Variants in MYH10 observed in about 807,000 individuals in gnomAD.
MYH10 encodes the protein myosin heavy chain 10.
In MYH10, 55 loss-of-function variants were observed where a neutral mutation model predicts 257.8. The observed-to-expected ratio is 0.21, with a 90% CI of 0.17 to 0.27. The LOEUF (loss-of-function observed/expected upper bound fraction) is 0.27, where lower values mean the gene tolerates loss of function less well. Ranked by LOEUF, MYH10 falls within the 10% of genes least tolerant of loss-of-function variation. MYH10 has a pLI of 1.00. For missense variants in MYH10, 1,631 were observed against 2,500.6 expected, an observed-to-expected ratio of 0.65 and a Z score of 7.42; for synonymous variants, 854 against 921.7, an observed-to-expected ratio of 0.93 and a Z score of 1.33.
chr17:8,619,744 T>C (rs1013837509), intron 2 of MYH10, among the ~76,000 whole-genome samples: 2 of 151,974 alleles, frequency 1.3e-5, no homozygotes, highest in Admixed American at 1.3e-4. Flanking sequence ...GCCAACATGG[T>C]GAAACCCCAT....
At position 8,490,441 on chromosome 17, in the gene MYH10, G is replaced by A. The variant is rs1322725249; in HGVS notation, c.4783C>T (p.Arg1595Cys). The A allele has an allele frequency of 6.2e-7, 1 of 1,614,066 alleles. No homozygotes were observed. Among genetic ancestry groups the A allele is most frequent in the African/African-American group, 1.3e-5 (1 of 74,922 alleles). The change falls in exon 35 of 43, where the codon CGT (arginine) becomes TGT (cysteine). Residue 1595 changes from arginine (R) to cysteine (C), a missense_variant. Physicochemically the swap from Arg to Cys is radical, Grantham distance 180. Transcript: ENST00000360416. The surrounding 1 kb of genome is among the most constrained non-coding windows in gnomAD (Gnocchi z 4.1). ...ATGGCCTGCATGTTGACCTCCAGAC[G>A]AAGCTTGGCATCTTCCGTGGCCTGG... ...ELQATEDAKL[R>C]LEVNMQAMKA...
intron 4 of MYH10, among the ~76,000 whole-genome samples, chr17:8,585,764 G>C (rs1189452332): frequency 6.6e-6 from 1 of 152,050 alleles, no homozygotes; most frequent in Non-Finnish European, 1.5e-5. Flanking sequence ...CTGGATAACG[G>C]TTTGGGTTAT....
chr17:8,479,024 A>G (rs1333593572), intron 40 of MYH10, among the ~76,000 whole-genome samples: 2 of 152,302 alleles, frequency 1.3e-5, no homozygotes, highest in African/African-American at 2.4e-5. Flanking sequence ...GAGCCAGCGC[A>G]CCCGGCCTGT....
intron 1 of MYH10, among the ~76,000 whole-genome samples, chr17:8,626,850 C>T (rs967540277): frequency 6.6e-6 from 1 of 152,028 alleles, no homozygotes; most frequent in Non-Finnish European, 1.5e-5. Flanking sequence ...TCAGTAGACA[C>T]GCACACACTT....
In MYH10 at chr17:8,476,858, G is replaced by A; in HGVS notation, c.5879+18C>T. 1.9e-6 allele frequency: 3 copies of A among 1,595,924 alleles called. No individual in the cohort carries two copies. The highest frequency in any genetic ancestry group is 2.6e-6 in the Non-Finnish European group (3 of 1,172,698). ...ACAAAGCAGCTGCCTGTCAGCTCGG[G>A]GCCGCATGCCTGCTCACCTCAGCCG... On this transcript the variant is annotated intron_variant, in intron 42 of 42. Coordinates refer to ENST00000360416, the MANE Select transcript of MYH10 (RefSeq NM_001256012.3).
intron 26 of MYH10, among the ~76,000 whole-genome samples, chr17:8,507,382 C>G (rs1398617442): frequency 6.6e-6 from 1 of 152,258 alleles, no homozygotes; most frequent in Non-Finnish European, 1.5e-5. Flanking sequence ...CTCCCTCCCC[C>G]TGGTGATGGT....
chr17:8,610,490 GTGAT>G (rs1438147333), intron 2 of MYH10, among the ~76,000 whole-genome samples: 29 of 151,762 alleles, frequency 1.9e-4, no homozygotes, highest in Non-Finnish European at 5.9e-5. Context: ...GAGATTAAAA[GTGAT>G]ATAACAATTG....
chr17:8,612,891 A>G (rs2085099621), intron 2 of MYH10, among the ~76,000 whole-genome samples: 1 of 152,148 alleles, frequency 6.6e-6, no homozygotes, highest in Non-Finnish European at 1.5e-5. Context: ...ATGTATGTAT[A>G]GGAAAAAACA....
chr17:8,561,206 T>C lies in MYH10; in HGVS notation c.757-7188A>G, dbSNP rs756305765. ...GGAGAAAATTAAGATTTGGGGCCTC[T>C]CCTCTCCGGTCCGTGCCTCCAAGAT... On this transcript the variant is annotated intron_variant, in intron 7 of 42. Coordinates refer to ENST00000360416, the MANE Select transcript of MYH10 (RefSeq NM_001256012.3). 293 of 757,950 alleles carry C rather than the reference T, an allele frequency of 3.9e-4. 1 individual carries two copies. The highest frequency in any genetic ancestry group is 8.3e-4 in the Middle Eastern group (3 of 3,628). The allele number at this position is 757,950 out of a possible 1,614,324, so 47.0% of individuals were successfully genotyped here. A position where few individuals can be genotyped will look rare whatever the true frequency, so the allele number is the denominator to read the frequency against.
At chr17:8,629,019 T>C (rs2064384966) in intron 1 of MYH10, among the ~76,000 whole-genome samples, 1 of 151,956 alleles carries the variant, frequency 6.6e-6, no homozygotes, top group Non-Finnish European at 1.5e-5. Context: ...GATGCAGAAG[T>C]AAGGAGATGC....
At chr17:8,481,884 C>G (rs993308534) in intron 37 of MYH10, among the ~76,000 whole-genome samples, 4 of 152,202 alleles carry the variant, frequency 2.6e-5, no homozygotes, top group African/African-American at 9.7e-5. Context: ...AGGATCAATG[C>G]TCCCATGGAG....
At chr17:8,540,792 T>A (rs2082271176) in intron 14 of MYH10, among the ~76,000 whole-genome samples, 1 of 152,200 alleles carries the variant, frequency 6.6e-6, no homozygotes, top group Non-Finnish European at 1.5e-5. Flanking sequence ...TCCCTTCCCT[T>A]ATTTACATAA....
At chr17:8,613,099 G>A (rs905473673) in intron 2 of MYH10, among the ~76,000 whole-genome samples, 14 of 152,244 alleles carry the variant, frequency 9.2e-5, no homozygotes, top group African/African-American at 3.1e-4. Context: ...AAGGAAAACC[G>A]ATGACCTTCA....
At chr17:8,593,394 A>G (rs1456909462) in intron 3 of MYH10, among the ~76,000 whole-genome samples, 1 of 150,168 alleles carries the variant, frequency 6.7e-6, no homozygotes, top group East Asian at 2.0e-4. Flanking sequence ...GAGGACATAG[A>G]CAGAAAATCC....
intron 31 of MYH10, among the ~76,000 whole-genome samples, chr17:8,494,215 C>A (rs1916224345): frequency 6.6e-6 from 1 of 152,086 alleles, no homozygotes; most frequent in Admixed American, 6.5e-5. Context: ...GGAATCCCTT[C>A]CTCTCCACCC....
At chr17:8,625,903 G>A (rs1380319687) in intron 1 of MYH10, among the ~76,000 whole-genome samples, 1 of 152,136 alleles carries the variant, frequency 6.6e-6, no homozygotes, top group Non-Finnish European at 1.5e-5. Context: ...ACTGCTACCA[G>A]CAGGTATGTT....
Position 8,490,660 on chromosome 17 carries a change from T to TC in MYH10, c.4672-109dup. On this transcript the variant is annotated intron_variant, in intron 34 of 42. Coordinates refer to ENST00000360416, the MANE Select transcript of MYH10 (RefSeq NM_001256012.3). This position sits in a 1 kb window ranked among gnomAD's most constrained non-coding sequence, Gnocchi z 4.1. The stretch of plus-strand genomic sequence containing the variant: ...ACTCGTGGCATGCTGGCCACTTTGG[T>TC]CCCCCTGGGCCGGCCCCCTGCCACA... The TC allele has an allele frequency of 9.0e-7, 1 of 1,107,926 alleles. No homozygotes were observed. Among genetic ancestry groups the TC allele is most frequent in the South Asian group, 1.4e-5 (1 of 72,860 alleles). The allele number at this position is 1,107,926 out of a possible 1,614,324, so 68.6% of individuals were successfully genotyped here. A position where few individuals can be genotyped will look rare whatever the true frequency, so the allele number is the denominator to read the frequency against.
chr17:8,556,285 G>C (rs1451997586), intron 7 of MYH10, among the ~76,000 whole-genome samples: 1 of 152,222 alleles, frequency 6.6e-6, no homozygotes, highest in Non-Finnish European at 1.5e-5. Context: ...CCACGAGAAA[G>C]GAATGCATGC....
At chr17:8,618,776 T>C (rs2085358699) in intron 2 of MYH10, among the ~76,000 whole-genome samples, 1 of 152,250 alleles carries the variant, frequency 6.6e-6, no homozygotes, top group Admixed American at 6.5e-5. Context: ...AAACCCACTT[T>C]CATTATTATC....
Sources: allele counts gnomAD v4.1 joint callset (sites outside exome capture counted in the v4.1 genomes callset), GRCh38; gene constraint gnomAD v4.1.1; non-coding constraint Gnocchi (gnomAD v3.1); transcripts MANE v1.5; gene names NCBI Gene and HGNC (gene_info 2026-07-23, HGNC 2026-07-21).